Variants in FCRLB observed in about 807,000 individuals in gnomAD.
The protein encoded by FCRLB is Fc receptor like B, also known as Fc receptor-like B.
A neutral mutation model predicts 33.6 loss-of-function variants in FCRLB; 34 were observed. The observed-to-expected ratio is 1.01, with a 90% CI of 0.77 to 1.35. FCRLB has a LOEUF of 1.35. FCRLB is among the 40% of genes most tolerant of loss of function. The probability of loss-of-function intolerance (pLI) is 0.00; values close to 1 mark genes in which losing one functional copy is unlikely to be tolerated. For missense variants in FCRLB, 560 were observed against 580.2 expected, an observed-to-expected ratio of 0.97 and a Z score of 0.36; for synonymous variants, 280 against 255.9, an observed-to-expected ratio of 1.09 and a Z score of -0.90.
At chr1:161,727,071 C>T (rs1399548470) in intron 7 of FCRLB, 78 bp downstream of exon 7, 2 of 1,369,904 alleles carry the variant, frequency 1.5e-6, no homozygotes, top group Non-Finnish European at 1.9e-6. Flanking sequence ...CACGAATCAC[C>T]CCCGCCCCCT....
intron 4 of FCRLB, 62 bp downstream of exon 4, chr1:161,723,071 C>T: frequency 6.3e-7 from 1 of 1,592,806 alleles, no homozygotes. Context: ...CCCTAAGTGA[C>T]CTTTTCAAGT....
intron 5 of FCRLB, among the ~76,000 whole-genome samples, chr1:161,725,619 G>C (rs1369900270): frequency 3.9e-5 from 6 of 152,014 alleles, no homozygotes; most frequent in Non-Finnish European, 8.8e-5. Context: ...TGCAGCTTGG[G>C]CGACAAGAGC....
chr1:161,727,465 C>T lies in FCRLB; in HGVS notation c.1084C>T (p.Gln362Ter). Residue 362 changes from glutamine to a stop codon, truncating the protein, a stop_gained, in exon 8 of 8, where the codon CAA (glutamine) becomes TAA (stop). Transcript: ENST00000367948. LOFTEE classifies it low-confidence loss of function (END_TRUNC). ...CTGCGCTCCGCCGACGCCCTTGGAA[C>T]AATCGGCTGGAGCCCTGAAACCCGA... 1 of 1,614,176 alleles carries T rather than the reference C, an allele frequency of 6.2e-7. No individual in the cohort carries two copies.
Position 161,726,006 on chromosome 1 carries a change from C to T in FCRLB, c.493C>T (p.Arg165Cys). The change falls in exon 6 of 8, where the codon CGC becomes TGC. Residue 165 changes from arginine to cysteine, a missense_variant. Transcript: ENST00000367948. The surrounding 1 kb of genome is among the most constrained non-coding windows in gnomAD (Gnocchi z 5.2). ...ACAGGCGCGTGCCAGCGACAGCGGG[C>T]GCTACCAGTGCTCGGGCACCATGCG... The T allele has an allele frequency of 6.2e-7, 1 of 1,614,132 alleles. No homozygotes were observed.
intron 5 of FCRLB, 144 bp downstream of exon 5, chr1:161,723,765 T>TCCCTACCTGCTCC: frequency 7.9e-7 from 1 of 1,273,886 alleles, no homozygotes; most frequent in Non-Finnish European, 1.1e-6. Context: ...CTGGAGCAGG[T>TCCCTACCTGCTCC]AGGGACCTGC....
rs139137059 is a variant in FCRLB at position 161,722,935 on chromosome 1, T to C, written c.32-54T>C. 6.5e-5 allele frequency: 104 copies of C among 1,610,618 alleles called. No individual in the cohort carries two copies. In the African/African-American group the frequency reaches 1.2e-3, roughly 19 times the overall value. On this transcript the variant is annotated intron_variant, in intron 3 of 7. Transcript: ENST00000367948. Reference sequence around the variant, plus strand: ...TTCTTGTCGTCAAGAGTCTCTCTCCTCTCATCGCCAATATTCTCCTTCTCC... The same window carrying C: ...TTCTTGTCGTCAAGAGTCTCTCTCCCCTCATCGCCAATATTCTCCTTCTCC...
At position 161,726,790 on chromosome 1, in the gene FCRLB, C is replaced by T. The variant is rs1367552000; in HGVS notation, c.662C>T (p.Thr221Met). 1.9e-6 allele frequency: 3 copies of T among 1,563,508 alleles called. No homozygotes were observed. Among genetic ancestry groups the T allele is most frequent in the Non-Finnish European group, 2.6e-6 (3 of 1,157,072 alleles). Reference sequence around the variant, plus strand: ...GGTGGGGTGGTGCTGCGCTGCGACACGCGCCTGCACCCGCAGAAGCGCGAC... The same window carrying T: ...GGTGGGGTGGTGCTGCGCTGCGACATGCGCCTGCACCCGCAGAAGCGCGAC... Residue 221 changes from threonine to methionine, a missense_variant, in exon 7 of 8, where the codon ACG (threonine) becomes ATG (methionine). Physicochemically the swap from Thr to Met is moderately conservative, Grantham distance 81. Coordinates refer to ENST00000367948, the Ensembl canonical transcript of FCRLB. The surrounding 1 kb of genome is among the most constrained non-coding windows in gnomAD (Gnocchi z 5.2).
At chr1:161,723,672 T>C (rs777998485) in intron 5 of FCRLB, 51 bp downstream of exon 5, 1 of 1,583,796 alleles carries the variant, frequency 6.3e-7, no homozygotes, top group South Asian at 1.2e-5. Flanking sequence ...CCTCTGGCAA[T>C]ACTAGTCCTC....
intron 2 of FCRLB, 79 bp from the exon 3 acceptor site, chr1:161,722,574 A>G (rs1683404931): frequency 7.3e-7 from 1 of 1,369,588 alleles, no homozygotes; most frequent in Non-Finnish European, 1.0e-6. Flanking sequence ...AATGTCTCCT[A>G]GTACTCAGTG....
intron 5 of FCRLB, 39 bp downstream of exon 5, chr1:161,723,660 C>T (rs1365754284): frequency 6.3e-7 from 1 of 1,595,130 alleles, no homozygotes; most frequent in Non-Finnish European, 8.6e-7. Flanking sequence ...GAGCACGTGT[C>T]TCCTCTGGCA....
chr1:161,725,520 T>A (rs1451936829), intron 5 of FCRLB, among the ~76,000 whole-genome samples: 1 of 151,984 alleles, frequency 6.6e-6, no homozygotes, highest in Non-Finnish European at 1.5e-5. Flanking sequence ...CGCCCACCGG[T>A]AATCCCAGCT....
At chr1:161,723,952 G>A (rs1048513535) in intron 5 of FCRLB, among the ~76,000 whole-genome samples, 4 of 152,156 alleles carry the variant, frequency 2.6e-5, no homozygotes, top group African/African-American at 4.8e-5. Context: ...GTTGGGGAGG[G>A]AGCAGTAAAG....
rs1459660076 is a variant in FCRLB at position 161,725,951 on chromosome 1, C to A, written c.438C>A (p.Tyr146Ter). The A allele has an allele frequency of 6.2e-7, 1 of 1,614,148 alleles. No individual in the cohort carries two copies. Among genetic ancestry groups the A allele is most frequent in the African/African-American group, 1.3e-5 (1 of 74,958 alleles). The change falls in exon 6 of 8, where the codon TAC (tyrosine) becomes TAA (stop). Residue 146 changes from tyrosine (Y) to a stop codon, truncating the protein, a stop_gained. Transcript: ENST00000367948. LOFTEE classifies it high-confidence loss of function. ...ACCACGACGGCCAGGCCGTGCGCTA[C>A]TTCCACTCCAGCGCCAACTACACTG...
chr1:161,727,727 ATTTC>A (rs1352891544), exon 8 of FCRLB: 1 of 1,485,002 alleles, frequency 6.7e-7, no homozygotes, highest in Non-Finnish European at 9.0e-7. Context: ...CCTCACGCGA[ATTTC>A]TTTCAAAGCC....
chr1:161,723,649 G>C (rs1376603355), intron 5 of FCRLB, 28 bp downstream of exon 5: 6 of 1,602,452 alleles, frequency 3.7e-6, no homozygotes, highest in Non-Finnish European at 5.1e-6. Context: ...GAGGGGAGGG[G>C]GAGCACGTGT....
At chr1:161,722,740 G>A in intron 3 of FCRLB, 37 bp downstream of exon 3, 1 of 1,612,454 alleles carries the variant, frequency 6.2e-7, no homozygotes, top group Non-Finnish European at 8.5e-7. Flanking sequence ...AGCTTTGGGT[G>A]GTGGAGAATA....
In FCRLB at chr1:161,726,600, C is replaced by A. The variant is rs117649845; in HGVS notation, c.575-103C>A. ...GGACACACGGCCTCCTCCCCTCCCC[C>A]CTTGGTCTGTGGGTCTGCAAGGAGC... On this transcript the variant is annotated intron_variant, in intron 6 of 7. Coordinates refer to ENST00000367948, the Ensembl canonical transcript of FCRLB. The surrounding 1 kb of genome is among the most constrained non-coding windows in gnomAD (Gnocchi z 5.2). 19 of 1,476,672 alleles carry A rather than the reference C, an allele frequency of 1.3e-5. No homozygotes were observed. Among genetic ancestry groups the A allele is most frequent in the Middle Eastern group, 1.7e-4 (1 of 5,892 alleles). 91.5% of individuals were successfully genotyped at this position (1,476,672 alleles called of 1,614,324 possible). A position where few individuals can be genotyped will look rare whatever the true frequency, so the allele number is the denominator to read the frequency against.
In FCRLB at chr1:161,726,749, C is replaced by A; in HGVS notation, c.621C>A (p.Ala207=). 5 of 1,591,920 alleles carry A rather than the reference C, an allele frequency of 3.1e-6. No homozygotes were observed. In the South Asian group the frequency reaches 4.5e-5, roughly 14 times the overall value. ...TGAGGGTGATGGGTCCGCGGGAGGC[C>A]CGCGGCGCGGCGCTGGGTGGGGTGG... Residue 207 remains alanine (A), a synonymous_variant, in exon 7 of 8, where the codon GCC becomes GCA. Transcript: ENST00000367948. This position sits in a 1 kb window ranked among gnomAD's most constrained non-coding sequence, Gnocchi z 5.2.
chr1:161,727,096 C>CCCCCGCCTTTCCCATCT, intron 7 of FCRLB, 103 bp downstream of exon 7: 1 of 1,338,442 alleles, frequency 7.5e-7, no homozygotes, highest in Non-Finnish European at 9.7e-7. Flanking sequence ...CCCGTCCCGC[C>CCCCCGCCTTTCCCATCT]CCCCGCCTTT....
Sources: gnomAD v4.1 joint callset for allele counts (sites outside exome capture counted in the v4.1 genomes callset) on GRCh38, gnomAD v4.1.1 for gene constraint, Gnocchi (gnomAD v3.1) non-coding constraint, MANE v1.5 for transcripts, NCBI Gene and HGNC (gene_info 2026-07-23, HGNC 2026-07-21) for gene names.